GPM6A: variants seen among roughly 807,000 people sequenced by gnomAD.
GPM6A encodes the protein neuronal membrane glycoprotein M6-a.
In GPM6A, 7 loss-of-function variants were observed where a neutral mutation model predicts 32.1. The observed-to-expected ratio is 0.22, with a 90% CI of 0.12 to 0.41. The LOEUF (loss-of-function observed/expected upper bound fraction) is 0.41, where lower values mean the gene tolerates loss of function less well. GPM6A is among the 10% of genes least tolerant of loss of function. GPM6A has a pLI of 1.00. For missense variants in GPM6A, 235 were observed against 347.2 expected (o/e 0.68, Z 2.57); for synonymous variants, 130 against 123.4 (o/e 1.05, Z -0.35).
At chr4:175,983,827 G>A (rs182898199) in intron 1 of GPM6A, among the ~76,000 whole-genome samples, 1 of 152,194 alleles carries the variant, frequency 6.6e-6, no homozygotes, top group African/African-American at 2.4e-5. Context: ...CTTTCTTTCT[G>A]GCAGGTTTTG....
intron 3 of GPM6A, among the ~76,000 whole-genome samples, chr4:175,662,285 G>T (rs926094323): frequency 2.0e-5 from 3 of 152,000 alleles, no homozygotes; most frequent in Non-Finnish European, 4.4e-5. Flanking sequence ...CTAGTGCTTC[G>T]CTTTCTTTCT....
At position 175,672,002 on chromosome 4, in the gene GPM6A, G is replaced by A. The variant is rs150311065; in HGVS notation, c.387+1678C>T. Among the ~76,000 whole-genome samples the A allele has an allele frequency of 8.6e-4, 119 of 137,674 alleles. 1 individual carries two copies. Among genetic ancestry groups the A allele is most frequent in the Non-Finnish European group, 1.6e-3 (95 of 59,980 alleles). The allele number at this position is 137,674 out of a possible 152,430, so 90.3% of individuals were successfully genotyped here. A position where few individuals can be genotyped will look rare whatever the true frequency, so the allele number is the denominator to read the frequency against. On this transcript the variant is annotated intron_variant, in intron 3 of 6. Transcript: ENST00000393658. ...CATTATAGAAAAAAAAAAAAAGAAAGAAAGAAAACGTGGCTCATGTTTTGC... is the reference window on the plus strand; with the variant it reads ...CATTATAGAAAAAAAAAAAAAGAAAAAAAGAAAACGTGGCTCATGTTTTGC...
chr4:175,824,352 T>C (rs1735368964), intron 1 of GPM6A, among the ~76,000 whole-genome samples: 1 of 152,150 alleles, frequency 6.6e-6, no homozygotes, highest in Non-Finnish European at 1.5e-5. Flanking sequence ...TTCTTCACGG[T>C]TTTCAGCGAT....
chr4:175,788,906 G>C (rs559411562), intron 1 of GPM6A, among the ~76,000 whole-genome samples: 16 of 152,056 alleles, frequency 1.1e-4, no homozygotes, highest in Non-Finnish European at 2.2e-4. Context: ...TCCATACAAG[G>C]AATTATGATA....
intron 1 of GPM6A, among the ~76,000 whole-genome samples, chr4:175,927,129 A>C (rs1168184435): frequency 6.6e-6 from 1 of 152,242 alleles, no homozygotes; most frequent in African/African-American, 2.4e-5. Context: ...GTTTTTACTC[A>C]TAGAGTGCAC....
At chr4:175,761,224 A>C (rs1265234666) in intron 1 of GPM6A, among the ~76,000 whole-genome samples, 2 of 152,154 alleles carry the variant, frequency 1.3e-5, no homozygotes, top group African/African-American at 4.8e-5. Flanking sequence ...TCCTGGGTTC[A>C]AGTGATTCTC....
chr4:175,706,161 C>A (rs1174666722), intron 1 of GPM6A, among the ~76,000 whole-genome samples: 1 of 149,374 alleles, frequency 6.7e-6, no homozygotes, highest in African/African-American at 2.5e-5. Context: ...TGTACTAATA[C>A]AAGAAATAAC....
intron 3 of GPM6A, among the ~76,000 whole-genome samples, chr4:175,667,983 C>G (rs1034475440): frequency 1.3e-5 from 2 of 152,048 alleles, no homozygotes; most frequent in Non-Finnish European, 2.9e-5. Flanking sequence ...ATGTTGCAAA[C>G]TTTTTATCAA....
chr4:175,870,951 T>A (rs1200830767), intron 1 of GPM6A, among the ~76,000 whole-genome samples: 2 of 152,086 alleles, frequency 1.3e-5, no homozygotes, highest in Non-Finnish European at 2.9e-5. Flanking sequence ...TAGGAAAGAT[T>A]CAATAAATGT....
intron 6 of GPM6A, among the ~76,000 whole-genome samples, chr4:175,639,658 C>A (rs1425236934): frequency 6.6e-6 from 1 of 152,160 alleles, no homozygotes; most frequent in Admixed American, 6.6e-5. Flanking sequence ...TAAAGACTGG[C>A]TCTTAATATT....
chr4:175,996,090 A>G (rs1409607238), intron 1 of GPM6A, among the ~76,000 whole-genome samples: 1 of 152,204 alleles, frequency 6.6e-6, no homozygotes, highest in Non-Finnish European at 1.5e-5. Context: ...ATATTTTTTA[A>G]GGCCTCTAAA....
chr4:175,729,873 A>C (rs947714575), intron 1 of GPM6A, among the ~76,000 whole-genome samples: 4 of 144,708 alleles, frequency 2.8e-5, no homozygotes, highest in Admixed American at 7.0e-5. Flanking sequence ...TAATGTATTT[A>C]ATAATTATAT....
chr4:175,656,192 T>G (rs570291011), intron 3 of GPM6A, among the ~76,000 whole-genome samples: 1 of 152,220 alleles, frequency 6.6e-6, no homozygotes, highest in East Asian at 1.9e-4. Context: ...TCAGTAAAAC[T>G]TCCTTAATTT....
chr4:175,935,476 C>G (rs1456755905), intron 1 of GPM6A, among the ~76,000 whole-genome samples: 3 of 152,188 alleles, frequency 2.0e-5, no homozygotes, highest in African/African-American at 7.2e-5. Flanking sequence ...GCTTTCTCTA[C>G]TGCCACCTCT....
At chr4:175,683,001 T>C (rs1389005400) in intron 2 of GPM6A, among the ~76,000 whole-genome samples, 1 of 152,132 alleles carries the variant, frequency 6.6e-6, no homozygotes, top group Non-Finnish European at 1.5e-5. Context: ...GACCCCAGAA[T>C]AGTGGATCCA....
In GPM6A at chr4:175,862,023, A is replaced by G. The variant is rs970217183; in HGVS notation, c.-22-49774T>C. On this transcript the variant is annotated intron_variant, in intron 1 of 7. Transcript: ENST00000280187. Reference sequence around the variant, plus strand: ...ACCATTTGTAACTGACATAGCGTGTACATTAATTCAAGGCAGAATTCACAG... The same window carrying G: ...ACCATTTGTAACTGACATAGCGTGTGCATTAATTCAAGGCAGAATTCACAG... 2.0e-5 allele frequency among the ~76,000 whole-genome samples: 3 copies of G among 152,352 alleles called. No homozygotes were observed. The Middle Eastern group carries it at 0.01, about 518-fold the overall frequency.
chr4:175,645,295 A>G (rs1235304570), intron 4 of GPM6A, among the ~76,000 whole-genome samples: 1 of 152,176 alleles, frequency 6.6e-6, no homozygotes, highest in African/African-American at 2.4e-5. Flanking sequence ...TACTTGAAAT[A>G]TGAACAACGT....
intron 1 of GPM6A, among the ~76,000 whole-genome samples, chr4:175,832,089 G>C (rs1175932388): frequency 6.7e-6 from 1 of 149,980 alleles, no homozygotes; most frequent in Non-Finnish European, 1.5e-5. Flanking sequence ...ATCTAGATCA[G>C]AGCCCCCTTG....
chr4:175,678,975 C>T (rs1743530989), intron 2 of GPM6A, among the ~76,000 whole-genome samples: 1 of 152,146 alleles, frequency 6.6e-6, no homozygotes, highest in Non-Finnish European at 1.5e-5. Context: ...ACATAGAGAA[C>T]ATCTTCACAG....
Sources: allele counts gnomAD v4.1 joint callset (sites outside exome capture counted in the v4.1 genomes callset), GRCh38; gene constraint gnomAD v4.1.1; transcripts MANE v1.5; gene names NCBI Gene and HGNC (gene_info 2026-07-23, HGNC 2026-07-21).